The following PRKCG variants were observed in gnomAD, a reference collection of about 807,000 sequenced individuals.
PRKCG encodes the protein protein kinase C gamma.
Under a neutral mutation model 82.0 loss-of-function variants are expected in PRKCG, and 28 were observed. The ratio of observed to expected loss-of-function variants is 0.34; its 90% CI spans 0.25 to 0.47. The LOEUF is 0.47. Ranked by LOEUF, PRKCG falls within the 20% of genes least tolerant of loss-of-function variation. The pLI, the probability that PRKCG is intolerant of heterozygous loss-of-function variation, is 1.00. For synonymous variants in PRKCG, 383 were observed against 376.6 expected (o/e 1.02, Z -0.20); for missense variants, 640 against 952.7 (o/e 0.67, Z 4.32).
intron 9 of PRKCG, 71 bp from the exon 10 acceptor site, chr19:53,897,888 C>T: frequency 6.2e-7 from 1 of 1,601,612 alleles, no homozygotes; most frequent in Non-Finnish European, 8.5e-7. Flanking sequence ...GGTGCTGTGT[C>T]TCTTGGGAGC....
At position 53,907,362 on chromosome 19, in the gene PRKCG, C is replaced by T. The variant is rs1038545762; in HGVS notation, c.*467C>T. ...TAGTTCTAGATGAGTGGGAGGCGTG[C>T]CCCCCTCCTCCAGTACGTCCCGCTG... is the stretch of plus-strand genomic sequence containing the variant. On this transcript the variant is annotated 3_prime_UTR_variant, in exon 18 of 18. Coordinates refer to ENST00000263431, the MANE Select transcript of PRKCG (RefSeq NM_002739.5). 5.2e-5 allele frequency: 11 copies of T among 211,266 alleles called. No homozygotes were observed. Among genetic ancestry groups the T allele is most frequent in the East Asian group, 2.5e-4 (2 of 7,850 alleles). The allele number at this position is 211,266 out of a possible 1,614,324, so 13.1% of individuals were successfully genotyped here. A position where few individuals can be genotyped will look rare whatever the true frequency, so the allele number is the denominator to read the frequency against.
Position 53,900,788 on chromosome 19 carries a change from C to A in PRKCG, c.1575+39C>A. On this transcript the variant is annotated intron_variant, in intron 14 of 17. Coordinates refer to ENST00000263431, the MANE Select transcript of PRKCG (RefSeq NM_002739.5). The surrounding 1 kb of genome is among the most constrained non-coding windows in gnomAD (Gnocchi z 4.2). ...TGCTGCTCTGGTCACGCTTTGAGATCCCTTAGAGGGTGTAGCTGATGGTCC... is the reference window on the plus strand; with the variant it reads ...TGCTGCTCTGGTCACGCTTTGAGATACCTTAGAGGGTGTAGCTGATGGTCC... 1.9e-6 allele frequency: 3 copies of A among 1,613,676 alleles called. No individual in the cohort carries two copies. Among genetic ancestry groups the A allele is most frequent in the Non-Finnish European group, 2.5e-6 (3 of 1,179,968 alleles).
chr19:53,895,830 C>T (rs914985426), intron 9 of PRKCG, among the ~76,000 whole-genome samples: 2 of 152,024 alleles, frequency 1.3e-5, no homozygotes, highest in Non-Finnish European at 2.9e-5. Context: ...GAGGCCAAGG[C>T]GGGTGGATCA....
At chr19:53,901,769 G>C (rs574790319) in intron 14 of PRKCG, among the ~76,000 whole-genome samples, 19 of 149,230 alleles carry the variant, frequency 1.3e-4, no homozygotes, top group Admixed American at 4.0e-4. Context: ...AGAATTACTT[G>C]AACCCGGGAG....
At position 53,883,293 on chromosome 19, in the gene PRKCG, A is replaced by G; in HGVS notation, c.202+99A>G. On this transcript the variant is annotated intron_variant, in intron 2 of 17. Coordinates refer to ENST00000263431, the MANE Select transcript of PRKCG (RefSeq NM_002739.5). The surrounding 1 kb of genome is among the most constrained non-coding windows in gnomAD (Gnocchi z 5.4). ...GACACACGTGTTCTCTGGTCCCCAG[A>G]GAGGCGCGGGGGAGCCCGGGGCGGG... 4.1e-6 allele frequency: 6 copies of G among 1,459,734 alleles called. No individual in the cohort carries two copies. The highest frequency in any genetic ancestry group is 4.8e-6 in the Non-Finnish European group (5 of 1,047,678). 90.4% of individuals were successfully genotyped at this position (1,459,734 alleles called of 1,614,324 possible). A position where few individuals can be genotyped will look rare whatever the true frequency, so the allele number is the denominator to read the frequency against.
At chr19:53,886,896 C>T (rs2068635263) in intron 3 of PRKCG, among the ~76,000 whole-genome samples, 1 of 152,188 alleles carries the variant, frequency 6.6e-6, no homozygotes. Context: ...ATTATGCTCA[C>T]TATGGATTGT....
chr19:53,899,436 A>G (rs922446905), intron 11 of PRKCG, among the ~76,000 whole-genome samples: 1 of 152,212 alleles, frequency 6.6e-6, no homozygotes, highest in Non-Finnish European at 1.5e-5. Flanking sequence ...TGAAGGACAC[A>G]TCAGAAACAG....
Position 53,889,841 on chromosome 19 carries a change from C to A in PRKCG, c.398-45C>A. 1 of 1,555,670 alleles carries A rather than the reference C, an allele frequency of 6.4e-7. No homozygotes were observed. On this transcript the variant is annotated intron_variant, in intron 4 of 17. Transcript: ENST00000263431. This position sits in a 1 kb window ranked among gnomAD's most constrained non-coding sequence, Gnocchi z 4.4. ...GATGGGGTGGGGGGTGGAGTCTTGG[C>A]TTGGGGGCGGGGCCTGAGGTGCTAC...
intron 16 of PRKCG, 81 bp downstream of exon 16, chr19:53,904,823 C>T: frequency 8.7e-7 from 1 of 1,146,636 alleles, no homozygotes. Context: ...TAGAAAAATG[C>T]TCCCATTCCT....
intron 16 of PRKCG, among the ~76,000 whole-genome samples, chr19:53,906,078 C>CTT (rs1568763958): frequency 6.9e-5 from 3 of 43,792 alleles, no homozygotes; most frequent in African/African-American, 6.8e-4. Context: ...TCCTCCTCCT[C>CTT]CTCCTCCTTC....
At chr19:53,895,953 A>T (rs1347148934) in intron 9 of PRKCG, among the ~76,000 whole-genome samples, 1 of 151,726 alleles carries the variant, frequency 6.6e-6, no homozygotes, top group Admixed American at 6.6e-5. Flanking sequence ...CCAGGTACTC[A>T]GGAGGCTGAG....
chr19:53,906,656 C>T, intron 17 of PRKCG, 51 bp from the exon 18 acceptor site: 1 of 1,597,014 alleles, frequency 6.3e-7, no homozygotes, highest in South Asian at 1.1e-5. Context: ...AGAGGGACAC[C>T]CGAGGAGCCC....
At position 53,888,908 on chromosome 19, in the gene PRKCG, T is replaced by C. The variant is rs112532035; in HGVS notation, c.286-730T>C. ...CCTTCATGTTCTGCCCAGATATCAT[T>C]TGGTCAGCGAGGCCCCCCTGCCACT... On this transcript the variant is annotated intron_variant, in intron 3 of 17. Coordinates refer to ENST00000263431, the MANE Select transcript of PRKCG (RefSeq NM_002739.5). Among the ~76,000 whole-genome samples the C allele has an allele frequency of 4.0e-3, 603 of 152,140 alleles. 6 individuals are homozygous for C. Among genetic ancestry groups the C allele is most frequent in the African/African-American group, 0.014 (561 of 41,490 alleles).
intron 3 of PRKCG, among the ~76,000 whole-genome samples, chr19:53,886,684 T>C (rs946932418): frequency 2.0e-5 from 3 of 152,208 alleles, no homozygotes; most frequent in Non-Finnish European, 2.9e-5. Flanking sequence ...AATGATGGGA[T>C]TACAGGCGTG....
At chr19:53,906,639 G>T (rs1031758208) in intron 17 of PRKCG, 68 bp from the exon 18 acceptor site, 1 of 1,571,994 alleles carries the variant, frequency 6.4e-7, no homozygotes, top group African/African-American at 1.4e-5. Context: ...ATGAGACTGG[G>T]GTACACAGAG....
chr19:53,900,800 G>T lies in PRKCG; in HGVS notation c.1575+51G>T. 4 of 1,612,952 alleles carry T rather than the reference G, an allele frequency of 2.5e-6. No individual in the cohort carries two copies. The highest frequency in any genetic ancestry group is 1.3e-5 in the African/African-American group (1 of 75,046). ...CACGCTTTGAGATCCCTTAGAGGGTGTAGCTGATGGTCCAGTATTCACCAC... is the reference window on the plus strand; with the variant it reads ...CACGCTTTGAGATCCCTTAGAGGGTTTAGCTGATGGTCCAGTATTCACCAC... On this transcript the variant is annotated intron_variant, in intron 14 of 17. Coordinates refer to ENST00000263431, the MANE Select transcript of PRKCG (RefSeq NM_002739.5). This position sits in a 1 kb window ranked among gnomAD's most constrained non-coding sequence, Gnocchi z 4.2.
Position 53,882,246 on chromosome 19 carries a change from C to T in PRKCG, c.-249C>T, listed in dbSNP as rs1325591802. ...GAGCTCCCACCGCCGCCGCCCGTGCCTCCGGCTGCCGGCGCCCCTGCCTTT... is the reference window on the plus strand; with the variant it reads ...GAGCTCCCACCGCCGCCGCCCGTGCTTCCGGCTGCCGGCGCCCCTGCCTTT... On this transcript the variant is annotated 5_prime_UTR_variant, in exon 1 of 18. Transcript: ENST00000263431. The surrounding 1 kb of genome is among the most constrained non-coding windows in gnomAD (Gnocchi z 6.1). The T allele has an allele frequency of 7.2e-6, 4 of 553,282 alleles. No homozygotes were observed. Among genetic ancestry groups the T allele is most frequent in the Non-Finnish European group, 1.3e-5 (4 of 306,760 alleles). 34.3% of individuals were successfully genotyped at this position (553,282 alleles called of 1,614,324 possible). A position where few individuals can be genotyped will look rare whatever the true frequency, so the allele number is the denominator to read the frequency against.
chr19:53,904,774 G>A (rs1599954523), intron 16 of PRKCG, 32 bp downstream of exon 16: 2 of 1,554,060 alleles, frequency 1.3e-6, no homozygotes, highest in Non-Finnish European at 1.8e-6. Context: ...GCTTCTCCAG[G>A]CTCACAACCA....
chr19:53,906,563 C>G, intron 17 of PRKCG, 106 bp downstream of exon 17: 1 of 1,560,320 alleles, frequency 6.4e-7, no homozygotes, highest in Non-Finnish European at 8.8e-7. Context: ...GCAGAGCCCC[C>G]CGCCCCCAAC....
Sources: gnomAD v4.1 joint callset for allele counts (sites outside exome capture counted in the v4.1 genomes callset) on GRCh38, gnomAD v4.1.1 for gene constraint, Gnocchi (gnomAD v3.1) non-coding constraint, MANE v1.5 for transcripts, NCBI Gene and HGNC (gene_info 2026-07-23, HGNC 2026-07-21) for gene names.